The following HDAC5 variants were observed in gnomAD, a reference collection of about 807,000 sequenced individuals.
The protein encoded by HDAC5 is histone deacetylase 5.
Under a neutral mutation model 133.3 loss-of-function variants are expected in HDAC5, and 25 were observed. The ratio of observed to expected loss-of-function variants is 0.19; its 90% CI spans 0.14 to 0.26. The LOEUF is 0.26. Among genes scored for constraint, HDAC5 ranks in the 10% least tolerant of loss-of-function variants. The pLI, the probability that HDAC5 is intolerant of heterozygous loss-of-function variation, is 1.00. For synonymous variants in HDAC5, 589 were observed against 610.8 expected (o/e 0.96, Z 0.53); for missense variants, 1,041 against 1,460.5 (o/e 0.71, Z 4.68).
At chr17:44,081,016 G>C (rs139681202) in intron 20 of HDAC5, 134 bp from the exon 21 acceptor site, 2 of 1,207,308 alleles carry the variant, frequency 1.7e-6, no homozygotes, top group Non-Finnish European at 2.4e-6. Flanking sequence ...TGGGAGGATC[G>C]CTTGAGCCCA....
chr17:44,084,779 A>G, intron 15 of HDAC5, 104 bp from the exon 16 acceptor site: 1 of 1,441,510 alleles, frequency 6.9e-7, no homozygotes, highest in South Asian at 1.3e-5. Flanking sequence ...GCCTCAGGAG[A>G]TCCAAATATT....
chr17:44,082,963 T>C, intron 18 of HDAC5, 143 bp from the exon 19 acceptor site: 1 of 721,914 alleles, frequency 1.4e-6, no homozygotes, highest in Non-Finnish European at 2.3e-6. Flanking sequence ...CACAATTTTG[T>C]TGGGGTTTCT....
intron 11 of HDAC5, among the ~76,000 whole-genome samples, chr17:44,089,174 A>G (rs145931892): frequency 6.6e-6 from 1 of 152,370 alleles, no homozygotes; most frequent in East Asian, 1.9e-4. Context: ...TGAAGTATAC[A>G]CTAGATTTCA....
At chr17:44,100,024 G>A (rs555900593) in intron 3 of HDAC5, among the ~76,000 whole-genome samples, 29 of 152,282 alleles carry the variant, frequency 1.9e-4, no homozygotes, top group African/African-American at 2.9e-4. Context: ...GTAGGTGCTC[G>A]TGGGGCAACC....
intron 24 of HDAC5, 57 bp downstream of exon 24, chr17:44,079,087 C>T: frequency 6.3e-7 from 1 of 1,588,158 alleles, no homozygotes; most frequent in Non-Finnish European, 8.6e-7. Context: ...TGGCTGACCC[C>T]TTGCTGGCCC....
chr17:44,122,223 G>A (rs1480679710), intron 1 of HDAC5, among the ~76,000 whole-genome samples: 1 of 152,108 alleles, frequency 6.6e-6, no homozygotes, highest in African/African-American at 2.4e-5. Context: ...TAGGACTGGG[G>A]AGACTGAAGA....
chr17:44,092,270 T>C lies in HDAC5; in HGVS notation c.934A>G (p.Asn312Asp). 1 of 1,613,998 alleles carries C rather than the reference T, an allele frequency of 6.2e-7. No individual in the cohort carries two copies. The highest frequency in any genetic ancestry group is 8.5e-7 in the Non-Finnish European group (1 of 1,179,982). The change falls in exon 9 of 27, where the codon AAC (asparagine) becomes GAC (aspartate). Residue 312 changes from asparagine to aspartate, a missense_variant. Asn to Asp is a conservative substitution (Grantham distance 23). This residue lies in a region of HDAC5 where 433 missense variants were observed against 531.6 expected (regional missense o/e 0.81). Coordinates refer to ENST00000682912, the MANE Select transcript of HDAC5 (RefSeq NM_005474.5). ...GAGPGASSVCNSAPGSGPSSP... is the reference protein window; with the variant it reads ...GAGPGASSVCDSAPGSGPSSP... ...CTGGGGCCGGAGCCGGGTGCGCTGT[T>C]ACACACGGACGACGCTATAGGAGAA...
At chr17:44,084,987 A>C (rs778798168) in intron 15 of HDAC5, 35 bp downstream of exon 15, 1 of 1,562,860 alleles carries the variant, frequency 6.4e-7, no homozygotes, top group East Asian at 2.3e-5. Context: ...GGCTGGATTT[A>C]AGTTGAGAGC....
In HDAC5 at chr17:44,087,737, G is replaced by A. The variant is rs1460020156; in HGVS notation, c.1600-41C>T. ...GGGGGCACATCAGCTGGGAGTTGGG[G>A]AGCAGCTGTGCAGCCTAAAACCCAG... On this transcript the variant is annotated intron_variant, in intron 12 of 26. Transcript: ENST00000682912. 2.0e-6 allele frequency: 3 copies of A among 1,528,580 alleles called. No homozygotes were observed. The Middle Eastern group carries it at 5.3e-4, about 271-fold the overall frequency. 94.7% of individuals were successfully genotyped at this position (1,528,580 alleles called of 1,614,324 possible).
chr17:44,077,689 TC>T lies in HDAC5; in HGVS notation c.*686del. On this transcript the variant is annotated 3_prime_UTR_variant, in exon 27 of 27. Transcript: ENST00000682912. ...CAGTCCTCTCCTTCCCCACACACTT[TC>T]ACCCTCTCAGCCCCGGGGAAGGGGA... The T allele has an allele frequency of 6.6e-6, 1 of 152,396 alleles. No individual in the cohort carries two copies. Among genetic ancestry groups the T allele is most frequent in the African/African-American group, 2.4e-5 (1 of 41,540 alleles). 9.4% of individuals were successfully genotyped at this position (152,396 alleles called of 1,614,324 possible).
Position 44,091,673 on chromosome 17 carries a change from AAGATGGGGT to A in HDAC5, c.1164+18_1164+26del. 6.6e-7 allele frequency: 1 copy of A among 1,523,346 alleles called. No homozygotes were observed. The allele number at this position is 1,523,346 out of a possible 1,614,324, so 94.4% of individuals were successfully genotyped here. On this transcript the variant is annotated intron_variant, in intron 10 of 26. Transcript: ENST00000682912. ...GACCTGTGACCTCAACACCAGAGGGAAGATGGGGTATATGCCCTGTACTTACAGTGAGGT... is the reference window on the plus strand; with the variant it reads ...GACCTGTGACCTCAACACCAGAGGGAATATGCCCTGTACTTACAGTGAGGT...
intron 13 of HDAC5, among the ~76,000 whole-genome samples, chr17:44,086,982 G>T (rs1216261079): frequency 6.7e-6 from 1 of 149,470 alleles, no homozygotes; most frequent in Non-Finnish European, 1.5e-5. Context: ...GGGAGGGGTG[G>T]GGGCGGGGGC....
At chr17:44,122,151 G>GCGAGCCTAGCCCAGCCCAGC (rs2053047640) in intron 1 of HDAC5, among the ~76,000 whole-genome samples, 1 of 152,046 alleles carries the variant, frequency 6.6e-6, no homozygotes, top group Non-Finnish European at 1.5e-5. Context: ...ATCCAGCCCA[G>GCGAGCCTAGCCCAGCCCAGC]CCAGCCTAGC....
At chr17:44,086,491 C>T (rs2050655749) in intron 14 of HDAC5, 81 bp downstream of exon 14, 1 of 1,199,378 alleles carries the variant, frequency 8.3e-7, no homozygotes. Context: ...CCAGCAGCCT[C>T]TTCCCCCTGC....
At chr17:44,097,942 C>G (rs946539152) in intron 3 of HDAC5, among the ~76,000 whole-genome samples, 2 of 152,264 alleles carry the variant, frequency 1.3e-5, no homozygotes, top group African/African-American at 4.8e-5. Flanking sequence ...GGAACCACAG[C>G]CCTATTGGTA....
Position 44,092,449 on chromosome 17 carries a change from C to T in HDAC5, c.851G>A (p.Arg284His), listed in dbSNP as rs150394149. The change falls in exon 8 of 27, where the codon CGC (arginine) becomes CAC (histidine). Residue 284 changes from arginine to histidine, a missense_variant. By Grantham distance (29) the Arg-to-His change is conservative (BLOSUM62 0). This residue lies in a region of HDAC5 where 433 missense variants were observed against 531.6 expected (regional missense o/e 0.81). Coordinates refer to ENST00000682912, the MANE Select transcript of HDAC5 (RefSeq NM_005474.5). ...GGTGCTAATAACAGTCCCATCCTTG[C>T]GACGCAGGAGGGGACTGCTTCTCCG... ...AERRSSPLLRRKDGTVISTFK... is the reference protein window; with the variant it reads ...AERRSSPLLRHKDGTVISTFK... The T allele has an allele frequency of 4.8e-4, 769 of 1,613,722 alleles. No homozygotes were observed. Among genetic ancestry groups the T allele is most frequent in the Non-Finnish European group, 6.1e-4 (724 of 1,179,834 alleles).
chr17:44,081,022 GC>G, intron 20 of HDAC5, 140 bp from the exon 21 acceptor site: 1 of 1,104,742 alleles, frequency 9.1e-7, no homozygotes, highest in Non-Finnish European at 1.3e-6. Context: ...GATCGCTTGA[GC>G]CCAGGACTCC....
At chr17:44,086,872 T>G in intron 13 of HDAC5, 135 bp from the exon 14 acceptor site, 1 of 541,378 alleles carries the variant, frequency 1.8e-6, no homozygotes, top group Non-Finnish European at 2.8e-6. Context: ...CTCCTCCCAC[T>G]TGCTCCCTCC....
In HDAC5 at chr17:44,100,256, C is replaced by G. The variant is rs565428398; in HGVS notation, c.95-6422G>C. Among the ~76,000 whole-genome samples the G allele has an allele frequency of 2.0e-5, 3 of 152,184 alleles. No individual in the cohort carries two copies. In the East Asian group the frequency reaches 5.8e-4, roughly 29 times the overall value. ...ATGAGCTGCACCCCAGGTCCAAGCC[C>G]CCTCTCAGAGACAACATCTCCAACT... On this transcript the variant is annotated intron_variant, in intron 3 of 26. Transcript: ENST00000682912.
Sources: gnomAD v4.1 joint callset for allele counts (sites outside exome capture counted in the v4.1 genomes callset) on GRCh38, gnomAD v4.1.1 for gene constraint, gnomAD v4.1.1 regional missense constraint, MANE v1.5 for transcripts, NCBI Gene and HGNC (gene_info 2026-07-23, HGNC 2026-07-21) for gene names.